Variants in PGAP4 observed in about 807,000 individuals in gnomAD.
PGAP4 encodes the protein GPI-N-acetylgalactosamine transferase PGAP4.
PGAP4 carries 12 observed loss-of-function variants against 28.2 expected under a neutral mutation model. The ratio of observed to expected loss-of-function variants is 0.42; its 90% CI spans 0.27 to 0.69. PGAP4 has a LOEUF of 0.69. Among genes scored for constraint, PGAP4 ranks in the 30% least tolerant of loss-of-function variants. The probability of loss-of-function intolerance (pLI) is 0.22; values close to 1 mark genes in which losing one functional copy is unlikely to be tolerated. For synonymous variants in PGAP4, 205 were observed against 211.8 expected, an observed-to-expected ratio of 0.97 and a Z score of 0.28; for missense variants, 425 against 513.5, an observed-to-expected ratio of 0.83 and a Z score of 1.67.
intron 2 of PGAP4, among the ~76,000 whole-genome samples, chr9:101,496,122 A>T (rs1357950875): frequency 1.3e-5 from 2 of 151,588 alleles, no homozygotes; most frequent in African/African-American, 4.8e-5. Flanking sequence ...AAAAGCCAAG[A>T]CTAAAGAATC....
At chr9:101,519,658 TATATATATACACACATAC>T (rs1470792839) in intron 2 of PGAP4, among the ~76,000 whole-genome samples, 4 of 149,956 alleles carry the variant, frequency 2.7e-5, no homozygotes, top group African/African-American at 4.9e-5. Flanking sequence ...TATACATACA[TATATATATACACACATAC>T]ATATATATAC....
chr9:101,485,205 C>T (rs1588200594), intron 1 of PGAP4, among the ~76,000 whole-genome samples: 1 of 139,746 alleles, frequency 7.2e-6, no homozygotes, highest in African/African-American at 2.5e-5. Context: ...AGCTTTATAA[C>T]AGGTTTTAAT....
chr9:101,505,845 A>G (rs1482163784), intron 2 of PGAP4, among the ~76,000 whole-genome samples: 2 of 152,144 alleles, frequency 1.3e-5, no homozygotes, highest in East Asian at 3.9e-4. Flanking sequence ...TAAAAACACA[A>G]AAGATAGGTA....
intron 2 of PGAP4, among the ~76,000 whole-genome samples, chr9:101,525,699 C>CAAAAAAAAAAAAAAAAAAAAAAA (rs397893277): frequency 4.9e-5 from 3 of 61,406 alleles, no homozygotes; most frequent in Non-Finnish European, 6.7e-5. Context: ...CAGAGCGTCT[C>CAAAAAAAAAAAAAAAAAAAAAAA]AAAAAAAAAA....
intron 2 of PGAP4, among the ~76,000 whole-genome samples, chr9:101,499,016 A>G (rs73657955): frequency 0.023 from 3,424 of 152,082 alleles, 129 homozygotes; most frequent in African/African-American, 0.078. Flanking sequence ...TAAACTACAC[A>G]TGGAACCCAG....
At chr9:101,479,382 T>C (rs896499732) in intron 1 of PGAP4, among the ~76,000 whole-genome samples, 6 of 152,162 alleles carry the variant, frequency 3.9e-5, no homozygotes, top group Non-Finnish European at 7.3e-5. Context: ...GGGAGCTGGA[T>C]CAATCTAGAG....
chr9:101,475,576 A>G lies in PGAP4; in HGVS notation c.*305T>C. ...GCAGTCACAAGCTCTAACACAAAGC[A>G]GAGCTTAAAAACAAATGGAGAATAT... On this transcript the variant is annotated 3_prime_UTR_variant, in exon 2 of 2. Transcript: ENST00000374848. 2 of 345,610 alleles carry G rather than the reference A, an allele frequency of 5.8e-6. No individual in the cohort carries two copies. The highest frequency in any genetic ancestry group is 1.1e-5 in the Non-Finnish European group (2 of 189,932). The allele number at this position is 345,610 out of a possible 1,614,324, so 21.4% of individuals were successfully genotyped here.
intron 2 of PGAP4, among the ~76,000 whole-genome samples, chr9:101,506,900 A>T (rs1826852954): frequency 6.6e-6 from 1 of 152,074 alleles, no homozygotes. Context: ...AAAGGTAGCA[A>T]TTTGTTGAGG....
chr9:101,528,832 A>G (rs1394871966), intron 2 of PGAP4, among the ~76,000 whole-genome samples: 1 of 149,440 alleles, frequency 6.7e-6, no homozygotes, highest in East Asian at 2.0e-4. Context: ...GCACATGTGC[A>G]GTTTGTTACA....
At chr9:101,502,278 T>C (rs146157289) in intron 2 of PGAP4, among the ~76,000 whole-genome samples, 1 of 152,098 alleles carries the variant, frequency 6.6e-6, no homozygotes, top group Non-Finnish European at 1.5e-5. Context: ...AGTTTCATGT[T>C]TGAACTTGTT....
chr9:101,478,769 T>A (rs1032741682), intron 1 of PGAP4, among the ~76,000 whole-genome samples: 7 of 152,168 alleles, frequency 4.6e-5, no homozygotes, highest in Non-Finnish European at 1.0e-4. Context: ...TATCCCAGTG[T>A]TGGGACGGCA....
chr9:101,524,784 TCTTA>T (rs1275988871), intron 2 of PGAP4, among the ~76,000 whole-genome samples: 1 of 152,202 alleles, frequency 6.6e-6, no homozygotes, highest in Non-Finnish European at 1.5e-5. Flanking sequence ...GGCCTCCCTT[TCTTA>T]CTTCCACAGT....
upstream of PGAP4, among the ~76,000 whole-genome samples, chr9:101,487,937 G>A (rs1435904019): frequency 6.6e-6 from 1 of 152,216 alleles, no homozygotes; most frequent in East Asian, 1.9e-4. Context: ...GAGACCTTAT[G>A]ACCCACAAAA....
chr9:101,512,905 T>C (rs1826909463), intron 2 of PGAP4, among the ~76,000 whole-genome samples: 3 of 152,148 alleles, frequency 2.0e-5, no homozygotes, highest in Admixed American at 6.6e-5. Context: ...AGCTATTCTC[T>C]AAGGTTTCAC....
chr9:101,477,018 G>C lies in PGAP4; in HGVS notation c.75C>G (p.Val25=). 2.5e-6 allele frequency: 4 copies of C among 1,613,518 alleles called. No homozygotes were observed. The highest frequency in any genetic ancestry group is 3.4e-6 in the Non-Finnish European group (4 of 1,179,922). Residue 25 remains valine, a synonymous_variant, in exon 2 of 2, where the codon GTC becomes GTG. Coordinates refer to ENST00000374848, the MANE Select transcript of PGAP4 (RefSeq NM_032342.3). ...TCACCACTGTTAGGATGAAGAGCTG[G>C]ACAGCAGTGCTGCCCCAGGAGAGTC... ...LRRLSWGSTA[V]QLFILTVVTF... is the part of the protein sequence containing the mutation.
rs1342094034 is a variant in PGAP4, at chr9:101,473,329, T to A, written c.*2552A>T. On this transcript the variant is annotated 3_prime_UTR_variant, in exon 2 of 2. Coordinates refer to ENST00000374848, the MANE Select transcript of PGAP4 (RefSeq NM_032342.3). The stretch of plus-strand genomic sequence containing the variant: ...TTCTAGTAACCTATATCCCTTGATA[T>A]GGGAAGGATATCTTAGTTCTCCCTA... 1 of 152,220 alleles carries A rather than the reference T, an allele frequency of 6.6e-6. No homozygotes were observed. The highest frequency in any genetic ancestry group is 2.4e-5 in the African/African-American group (1 of 41,450). 9.4% of individuals were successfully genotyped at this position (152,220 alleles called of 1,614,324 possible).
chr9:101,521,632 C>T (rs12115322), intron 2 of PGAP4, among the ~76,000 whole-genome samples: 22,628 of 151,970 alleles, frequency 0.15, 2,072 homozygotes, highest in African/African-American at 0.24. Context: ...AATGGTCTAT[C>T]AATTTTATTT....
intron 2 of PGAP4, among the ~76,000 whole-genome samples, chr9:101,515,133 G>A (rs545297731): frequency 1.3e-5 from 2 of 152,142 alleles, no homozygotes; most frequent in African/African-American, 4.8e-5. Context: ...AGTCCAAAAT[G>A]AGTGTTATGG....
At chr9:101,522,906 G>A (rs146280368) in intron 2 of PGAP4, among the ~76,000 whole-genome samples, 30 of 152,288 alleles carry the variant, frequency 2.0e-4, no homozygotes, top group African/African-American at 7.0e-4. Flanking sequence ...AGCAGTTCTT[G>A]CAGTGGTGGC....
Sources: allele counts gnomAD v4.1 joint callset (sites outside exome capture counted in the v4.1 genomes callset), GRCh38; gene constraint gnomAD v4.1.1; transcripts MANE v1.5; gene names NCBI Gene and HGNC (gene_info 2026-07-23, HGNC 2026-07-21).